The following CACNA1A variants were observed in gnomAD, a reference collection of about 807,000 sequenced individuals.
The protein encoded by CACNA1A is calcium voltage-gated channel subunit alpha1 A, also known as voltage-dependent P/Q-type calcium channel subunit alpha-1A.
In CACNA1A, 57 loss-of-function variants were observed where a neutral mutation model predicts 262.4. The observed-to-expected ratio is 0.22, with a 90% confidence interval of 0.18 to 0.27. The LOEUF (loss-of-function observed/expected upper bound fraction) is 0.27. Among genes scored for constraint, CACNA1A ranks in the 10% least tolerant of loss-of-function variants. The pLI is 1.00. For synonymous variants in CACNA1A, 1,431 were observed against 1,419.3 expected (o/e 1.01, Z -0.18); for missense variants, 2,526 against 3,562.8 (o/e 0.71, Z 7.41).
chr19:13,311,639 C>G (rs986208578), intron 12 of CACNA1A, among the ~76,000 whole-genome samples: 3 of 152,232 alleles, frequency 2.0e-5, no homozygotes, highest in East Asian at 1.9e-4. Flanking sequence ...AGATCAAGAC[C>G]ATCCTGGCTA....
intron 1 of CACNA1A, among the ~76,000 whole-genome samples, chr19:13,460,282 T>G (rs2061096707): frequency 6.6e-6 from 1 of 152,160 alleles, no homozygotes; most frequent in South Asian, 2.1e-4. Flanking sequence ...TAAGTGCCTC[T>G]ATTTCAGGGA....
intron 1 of CACNA1A, among the ~76,000 whole-genome samples, chr19:13,461,808 G>A (rs1191418123): frequency 6.6e-6 from 1 of 152,194 alleles, no homozygotes; most frequent in Non-Finnish European, 1.5e-5. Flanking sequence ...GCCATCCTAG[G>A]AGGCCAAAGC....
intron 1 of CACNA1A, among the ~76,000 whole-genome samples, chr19:13,470,397 C>A (rs2061328653): frequency 6.6e-6 from 1 of 152,172 alleles, no homozygotes; most frequent in South Asian, 2.1e-4. Flanking sequence ...GCCCAGATTA[C>A]TTGACCATGC....
chr19:13,247,631 C>A (rs2056277324), intron 30 of CACNA1A, among the ~76,000 whole-genome samples: 1 of 143,668 alleles, frequency 7.0e-6, no homozygotes, highest in African/African-American at 2.6e-5. Flanking sequence ...ACCTGGGAGG[C>A]AGAGCTTGCA....
At chr19:13,482,833 C>A (rs1979498656) in intron 1 of CACNA1A, among the ~76,000 whole-genome samples, 1 of 149,022 alleles carries the variant, frequency 6.7e-6, no homozygotes, top group Non-Finnish European at 1.5e-5. Context: ...TCTCTCCCCC[C>A]TTCTTTCTCT....
At chr19:13,291,440 G>C (rs534806710) in intron 19 of CACNA1A, among the ~76,000 whole-genome samples, 32 of 151,934 alleles carry the variant, frequency 2.1e-4, no homozygotes, top group African/African-American at 7.5e-4. Context: ...GAGGTTCAGA[G>C]AGGCAAAGTT....
intron 30 of CACNA1A, among the ~76,000 whole-genome samples, chr19:13,249,593 G>A (rs991568991): frequency 3.4e-4 from 52 of 152,032 alleles, no homozygotes; most frequent in African/African-American, 1.2e-3. Context: ...GGGCTCAAGC[G>A]ATCCACCTGC....
At chr19:13,230,003 C>T in intron 36 of CACNA1A, 79 bp downstream of exon 36, 1 of 1,526,834 alleles carries the variant, frequency 6.5e-7, no homozygotes, top group Non-Finnish European at 8.9e-7. Flanking sequence ...GCTCCAGAGT[C>T]TGGGGCCTGA....
intron 3 of CACNA1A, among the ~76,000 whole-genome samples, chr19:13,433,093 AC>A (rs2060542953): frequency 6.6e-6 from 1 of 152,154 alleles, no homozygotes; most frequent in East Asian, 1.9e-4. Flanking sequence ...GGAGATGGAG[AC>A]CATCCTGGCT....
At chr19:13,225,429 C>T (rs1271028967) in intron 37 of CACNA1A, 1 of 152,400 alleles carries the variant, frequency 6.6e-6, no homozygotes, top group Non-Finnish European at 1.5e-5. Flanking sequence ...ATCTCAGGGG[C>T]ATGTCCAGAT....
intron 2 of CACNA1A, among the ~76,000 whole-genome samples, chr19:13,454,764 G>A (rs1287483813): frequency 6.6e-6 from 1 of 152,020 alleles, no homozygotes; most frequent in Admixed American, 6.6e-5. Flanking sequence ...ACCAGCCTAA[G>A]CAACCTAGTG....
intron 3 of CACNA1A, among the ~76,000 whole-genome samples, chr19:13,448,874 T>G (rs146005019): frequency 6.6e-6 from 1 of 152,364 alleles, no homozygotes; most frequent in African/African-American, 2.4e-5. Flanking sequence ...TTATCTCATG[T>G]TGAACACAAA....
intron 6 of CACNA1A, among the ~76,000 whole-genome samples, chr19:13,343,008 G>A (rs966489006): frequency 6.6e-6 from 1 of 152,050 alleles, no homozygotes; most frequent in African/African-American, 2.4e-5. Flanking sequence ...TCCTGCTTCA[G>A]CCTCCCAAAG....
intron 31 of CACNA1A, among the ~76,000 whole-genome samples, chr19:13,238,152 TC>T (rs1389848860): frequency 6.6e-6 from 1 of 152,130 alleles, no homozygotes; most frequent in African/African-American, 2.4e-5. Context: ...CTCCATCTCT[TC>T]CTGCATCAGT....
rs1166604019 is a variant in CACNA1A, at chr19:13,298,685, C to T, written c.2948G>A (p.Ser983Asn). ...GCCCTCGCCGCCCCGGGCCGGCCGG[C>T]TGCCCTCGCGGTGCCGCGCCCTCCG... ...AERRARHREGSRPARGGEGEG... is the reference protein window; with the variant it reads ...AERRARHREGNRPARGGEGEG... The change falls in exon 19 of 47, where the codon AGC becomes AAC. Residue 983 changes from serine to asparagine, a missense_variant. Transcript: ENST00000360228. 2.0e-6 allele frequency: 3 copies of T among 1,466,164 alleles called. No individual in the cohort carries two copies. Among genetic ancestry groups the T allele is most frequent in the Middle Eastern group, 1.8e-4 (1 of 5,438 alleles). 90.8% of individuals were successfully genotyped at this position (1,466,164 alleles called of 1,614,324 possible).
At chr19:13,292,940 A>G (rs16978968) in intron 19 of CACNA1A, among the ~76,000 whole-genome samples, 49,110 of 151,752 alleles carry the variant, frequency 0.32, 8,740 homozygotes, top group East Asian at 0.62. Context: ...TCCCGGCCAG[A>G]TTGTTTGATG....
chr19:13,371,574 C>T lies in CACNA1A; in HGVS notation c.631+114G>A, dbSNP rs1045592675. 1.2e-5 allele frequency: 9 copies of T among 734,640 alleles called. No homozygotes were observed. In the African/African-American group the frequency reaches 1.6e-4, roughly 13 times the overall value. 45.5% of individuals were successfully genotyped at this position (734,640 alleles called of 1,614,324 possible). On this transcript the variant is annotated intron_variant, in intron 4 of 46. Coordinates refer to ENST00000360228, the MANE Select transcript of CACNA1A (RefSeq NM_001127222.2). ...ATAGGGAGTCCCAAAGAAGAGACTG[C>T]CCTCACACAGGCTGGTGGCAGGATG...
At chr19:13,483,447 C>T (rs192231919) in intron 1 of CACNA1A, among the ~76,000 whole-genome samples, 162 of 152,200 alleles carry the variant, frequency 1.1e-3, no homozygotes, top group African/African-American at 3.7e-3. Flanking sequence ...GTCATGTGAC[C>T]CAAGCCTAAG....
intron 24 of CACNA1A, among the ~76,000 whole-genome samples, chr19:13,265,882 G>C (rs1013441946): frequency 8.0e-6 from 1 of 125,382 alleles, no homozygotes; most frequent in Non-Finnish European, 1.7e-5. Flanking sequence ...TTTCTCTCTT[G>C]TTACCCAGGC....
Sources: allele counts gnomAD v4.1 joint callset (sites outside exome capture counted in the v4.1 genomes callset), GRCh38; gene constraint gnomAD v4.1.1; transcripts MANE v1.5; gene names NCBI Gene and HGNC (gene_info 2026-07-23, HGNC 2026-07-21).